ERAP1: variants seen among roughly 807,000 people sequenced by gnomAD.
ERAP1 encodes the protein endoplasmic reticulum aminopeptidase 1.
In ERAP1, 86 loss-of-function variants were observed where a neutral mutation model predicts 103.7. The ratio of observed to expected loss-of-function variants is 0.83; its 90% CI spans 0.70 to 0.99. The LOEUF is 0.99. Ranked by LOEUF, ERAP1 falls within the 50% of genes least tolerant of loss-of-function variation. ERAP1 has a pLI of 0.00. For missense variants in ERAP1, 1,009 were observed against 1,128.4 expected, an observed-to-expected ratio of 0.89 and a Z score of 1.52; for synonymous variants, 398 against 402.4, an observed-to-expected ratio of 0.99 and a Z score of 0.13.
chr5:96,895,386 C>A, the ERAP1 span: 3 of 1,378,316 alleles, frequency 2.2e-6, no homozygotes, highest in Non-Finnish European at 3.1e-6. Flanking sequence ...GTGTATCATA[C>A]TATATGGTGT....
chr5:96,776,283 G>A lies in ERAP1; in HGVS notation c.*113C>T, dbSNP rs1387143182. 3 of 1,534,824 alleles carry A rather than the reference G, an allele frequency of 2.0e-6. No individual in the cohort carries two copies. Among genetic ancestry groups the A allele is most frequent in the Non-Finnish European group, 2.6e-6 (3 of 1,147,026 alleles). On this transcript the variant is annotated 3_prime_UTR_variant, in exon 19 of 19. Transcript: ENST00000443439. ...CACAGGGATAGTCAAAAAATGAGTT[G>A]AAGGGAAAAAAGTATCTCCAGTTGG...
intron 17 of ERAP1, 103 bp downstream of exon 17, chr5:96,780,955 A>C: frequency 7.2e-7 from 1 of 1,389,614 alleles, no homozygotes; most frequent in Admixed American, 1.9e-5. Context: ...CTTCAATCAA[A>C]AAGTACCTTT....
chr5:96,841,466 C>A, the ERAP1 span, among the ~76,000 whole-genome samples: 1 of 152,124 alleles, frequency 6.6e-6, no homozygotes, highest in African/African-American at 2.4e-5. Context: ...CATAAATATA[C>A]CATGACCAAT....
chr5:96,822,010 A>G, the ERAP1 span, among the ~76,000 whole-genome samples: 1 of 152,188 alleles, frequency 6.6e-6, no homozygotes, highest in Non-Finnish European at 1.5e-5. Context: ...AAACTATCCC[A>G]AGTGTGATTA....
the ERAP1 span, chr5:96,919,290 T>A: frequency 0.038 from 5,783 of 152,476 alleles, 191 homozygotes; most frequent in Middle Eastern, 0.12. Context: ...TAAATTTGTT[T>A]TCAGATCATT....
chr5:96,935,522 C>T, the ERAP1 span: 4 of 153,046 alleles, frequency 2.6e-5, no homozygotes, highest in African/African-American at 7.2e-5. Flanking sequence ...CGACCTTCGC[C>T]CGCAGGTTCC....
chr5:96,812,496 A>G (rs1434170295), upstream of ERAP1, among the ~76,000 whole-genome samples: 4 of 152,248 alleles, frequency 2.6e-5, no homozygotes, highest in Non-Finnish European at 5.9e-5. Context: ...AGGAGTGAAC[A>G]TGATCTTTGC....
chr5:96,909,307 C>A, the ERAP1 span, among the ~76,000 whole-genome samples: 1 of 152,176 alleles, frequency 6.6e-6, no homozygotes, highest in South Asian at 2.1e-4. Context: ...ATACCAGGAT[C>A]ATGTGCAAAA....
chr5:96,910,214 A>G, the ERAP1 span: 4 of 158,118 alleles, frequency 2.5e-5, no homozygotes, highest in African/African-American at 4.8e-5. Context: ...GCCGTGAGCC[A>G]AGATCACTTC....
chr5:96,845,396 G>A, the ERAP1 span, among the ~76,000 whole-genome samples: 20 of 152,072 alleles, frequency 1.3e-4, no homozygotes, highest in African/African-American at 4.3e-4. Flanking sequence ...CATCATGCCC[G>A]GCTAATTTTT....
At chr5:96,919,911 T>A in the ERAP1 span, among the ~76,000 whole-genome samples, 1 of 152,160 alleles carries the variant, frequency 6.6e-6, no homozygotes, top group African/African-American at 2.4e-5. Flanking sequence ...CAAGGCCCAT[T>A]GAGAATTATG....
chr5:96,829,390 C>A, the ERAP1 span, among the ~76,000 whole-genome samples: 1 of 152,084 alleles, frequency 6.6e-6, no homozygotes, highest in Non-Finnish European at 1.5e-5. Context: ...CAAACAACAC[C>A]CTTAGTAGGG....
chr5:96,908,859 C>A, the ERAP1 span: 8 of 1,217,412 alleles, frequency 6.6e-6, no homozygotes, highest in Non-Finnish European at 8.0e-6. Flanking sequence ...GCTATAATGA[C>A]CTACTTCTGT....
chr5:96,783,835 A>G, intron 14 of ERAP1, 89 bp downstream of exon 14: 1 of 788,980 alleles, frequency 1.3e-6, no homozygotes. Flanking sequence ...ACACACACAC[A>G]CACACACACA....
At chr5:96,832,603 C>G in the ERAP1 span, among the ~76,000 whole-genome samples, 1 of 152,122 alleles carries the variant, frequency 6.6e-6, no homozygotes, top group Admixed American at 6.5e-5. Context: ...TCTTTCTGGG[C>G]CCCTTCCAGC....
Position 96,780,497 on chromosome 5 carries a change from G to A in ERAP1, c.2596C>T (p.Leu866Phe), listed in dbSNP as rs1775006877. ...NWNKLVQKFE[L>F]GSSSIAHMVM... is the part of the protein sequence containing the mutation. The stretch of plus-strand genomic sequence containing the variant: ...ATGTGGGCTATGGAAGATGAGCCAA[G>A]TTCAAACCTAGAGAGGGAAATATTC... Residue 866 changes from leucine (L) to phenylalanine (F), a missense_variant, in exon 18 of 19, where the codon CTT becomes TTT. Transcript: ENST00000443439. 3 of 1,612,158 alleles carry A rather than the reference G, an allele frequency of 1.9e-6. No individual in the cohort carries two copies. Among genetic ancestry groups the A allele is most frequent in the Non-Finnish European group, 2.5e-6 (3 of 1,178,486 alleles).
rs1775242651 is a variant in ERAP1, at chr5:96,781,941, C to T, written c.2286-87G>A. 4.7e-6 allele frequency: 6 copies of T among 1,284,418 alleles called. No individual in the cohort carries two copies. In the South Asian group the frequency reaches 4.8e-5, roughly 10 times the overall value. The allele number at this position is 1,284,418 out of a possible 1,614,324, so 79.6% of individuals were successfully genotyped here. On this transcript the variant is annotated intron_variant, in intron 15 of 18. Transcript: ENST00000443439. ...TGGTGACTAACTATGAACTGCTGAACTTTCCCCATGATCAGAGAAGCATGC... is the reference window on the plus strand; with the variant it reads ...TGGTGACTAACTATGAACTGCTGAATTTTCCCCATGATCAGAGAAGCATGC...
chr5:96,771,638 T>C (rs376443086), downstream of ERAP1: 141 of 1,610,206 alleles, frequency 8.8e-5, no homozygotes, highest in Non-Finnish European at 1.0e-4. Context: ...TTGCTTTCCC[T>C]TTTAGACAAC....
the ERAP1 span, among the ~76,000 whole-genome samples, chr5:96,923,130 T>C: frequency 6.6e-6 from 1 of 152,160 alleles, no homozygotes; most frequent in Admixed American, 6.5e-5. Flanking sequence ...TGCACCACAA[T>C]GGCTGTCTAA....
Sources: gnomAD v4.1 joint callset for allele counts (sites outside exome capture counted in the v4.1 genomes callset) on GRCh38, gnomAD v4.1.1 for gene constraint, MANE v1.5 for transcripts, NCBI Gene and HGNC (gene_info 2026-07-23, HGNC 2026-07-21) for gene names.